The following CHN2 variants were observed in gnomAD, a reference collection of about 807,000 sequenced individuals.
CHN2 encodes the protein chimerin 2.
In CHN2, 35 loss-of-function variants were observed where a neutral mutation model predicts 56.3. The observed-to-expected ratio is 0.62, with a 90% confidence interval of 0.47 to 0.82. The LOEUF (loss-of-function observed/expected upper bound fraction) is 0.82. Ranked by LOEUF, CHN2 falls within the 40% of genes least tolerant of loss-of-function variation. The pLI is 0.00. For missense variants in CHN2, 491 were observed against 580.5 expected (o/e 0.85, Z 1.58); for synonymous variants, 210 against 212.8 (o/e 0.99, Z 0.12).
intron 6 of CHN2, among the ~76,000 whole-genome samples, chr7:29,439,070 C>T (rs1485865410): frequency 6.6e-6 from 1 of 152,156 alleles, no homozygotes; most frequent in African/African-American, 2.4e-5. Context: ...CCTACAAAAC[C>T]TACTGTTTCT....
chr7:29,395,346 G>C (rs78008068), intron 4 of CHN2, among the ~76,000 whole-genome samples: 105 of 152,196 alleles, frequency 6.9e-4, no homozygotes, highest in Non-Finnish European at 1.1e-3. Flanking sequence ...AACATGGGAA[G>C]ACCTCATCTC....
At chr7:29,183,647 G>A (rs1302056512) in intron 2 of CHN2, among the ~76,000 whole-genome samples, 2 of 152,154 alleles carry the variant, frequency 1.3e-5, no homozygotes, top group African/African-American at 4.8e-5. Context: ...AAAGTACTAG[G>A]ATTACAGGTG....
At chr7:29,350,861 G>A (rs368425225) in intron 1 of CHN2, among the ~76,000 whole-genome samples, 1 of 152,136 alleles carries the variant, frequency 6.6e-6, no homozygotes, top group African/African-American at 2.4e-5. Context: ...TGTAATCCCA[G>A]CACTTTGGGA....
In CHN2 at chr7:29,344,044, G is replaced by A. The variant is rs185739313; in HGVS notation, c.50-10581G>A. Among the ~76,000 whole-genome samples the A allele has an allele frequency of 1.1e-4, 17 of 152,220 alleles. No homozygotes were observed. The East Asian group carries it at 2.9e-3, about 26-fold the overall frequency. On this transcript the variant is annotated intron_variant, in intron 1 of 12. Coordinates refer to ENST00000222792, the MANE Select transcript of CHN2 (RefSeq NM_004067.4). ...AGCCAAAAACCATTCATCTTCCTCT[G>A]CCCAAGCCAGAAGTCATGTTCCCTC...
chr7:29,381,522 G>A (rs1338186597), intron 3 of CHN2, among the ~76,000 whole-genome samples: 1 of 152,102 alleles, frequency 6.6e-6, no homozygotes, highest in East Asian at 1.9e-4. Context: ...TGCCACTCAT[G>A]GCTGGGCTTT....
intron 1 of CHN2, among the ~76,000 whole-genome samples, chr7:29,352,114 G>C (rs1168822338): frequency 6.6e-6 from 1 of 152,114 alleles, no homozygotes; most frequent in African/African-American, 2.4e-5. Context: ...GAAGACCTTA[G>C]ATCCAAGTGG....
intron 1 of CHN2, among the ~76,000 whole-genome samples, chr7:29,286,513 G>A (rs1182662466): frequency 6.6e-6 from 1 of 152,180 alleles, no homozygotes; most frequent in African/African-American, 2.4e-5. Context: ...GGGCAGGGGC[G>A]AAGCCAGCGT....
intron 1 of CHN2, among the ~76,000 whole-genome samples, chr7:29,339,654 A>T (rs1221197803): frequency 6.6e-6 from 1 of 152,132 alleles, no homozygotes; most frequent in African/African-American, 2.4e-5. Context: ...GGAGTTCAAG[A>T]CCAACCTGGC....
chr7:29,394,567 C>G (rs10951220), intron 4 of CHN2, among the ~76,000 whole-genome samples: 20,928 of 152,168 alleles, frequency 0.14, 1,751 homozygotes, highest in Middle Eastern at 0.2. Context: ...ATTGCCACAG[C>G]TGCATTTCAG....
intron 1 of CHN2, among the ~76,000 whole-genome samples, chr7:29,208,609 T>C (rs1047424319): frequency 6.6e-6 from 1 of 152,186 alleles, no homozygotes; most frequent in Non-Finnish European, 1.5e-5. Flanking sequence ...CTTTCTAATG[T>C]CACGGGCTAA....
At chr7:29,262,622 G>A (rs1789651722) in intron 1 of CHN2, among the ~76,000 whole-genome samples, 1 of 152,038 alleles carries the variant, frequency 6.6e-6, no homozygotes, top group Non-Finnish European at 1.5e-5. Flanking sequence ...GTCAATTAAA[G>A]TGAACCTTCC....
chr7:29,229,158 G>C (rs1175305636), intron 1 of CHN2, among the ~76,000 whole-genome samples: 2 of 152,114 alleles, frequency 1.3e-5, no homozygotes, highest in Non-Finnish European at 2.9e-5. Context: ...AGTGGGGTGG[G>C]GTGAGGAACA....
intron 6 of CHN2, among the ~76,000 whole-genome samples, chr7:29,412,020 G>A (rs147687892): frequency 2.0e-5 from 3 of 152,232 alleles, no homozygotes; most frequent in Non-Finnish European, 4.4e-5. Flanking sequence ...CACCTTACTT[G>A]TCACCATTAC....
intron 10 of CHN2, 106 bp downstream of exon 10, chr7:29,504,927 G>A (rs1438123192): frequency 2.7e-6 from 2 of 738,420 alleles, no homozygotes; most frequent in Non-Finnish European, 4.6e-6. Context: ...ACTAAGAGTT[G>A]TTCTTCAAGA....
intron 2 of CHN2, among the ~76,000 whole-genome samples, chr7:29,355,441 A>G (rs930327717): frequency 1.3e-5 from 2 of 152,200 alleles, no homozygotes; most frequent in Non-Finnish European, 2.9e-5. Flanking sequence ...TCTTAGAAAC[A>G]GATCCTGCCT....
intron 1 of CHN2, among the ~76,000 whole-genome samples, chr7:29,309,945 G>A (rs1794460402): frequency 6.6e-6 from 1 of 152,194 alleles, no homozygotes; most frequent in Non-Finnish European, 1.5e-5. Context: ...TACCCTGGAA[G>A]CACTGGCCAG....
chr7:29,479,606 G>A (rs1786908281), intron 6 of CHN2: 1 of 943,930 alleles, frequency 1.1e-6, no homozygotes, highest in Non-Finnish European at 1.3e-6. Context: ...GGGTTTAAAG[G>A]TTTAATCTGT....
At chr7:29,240,206 C>T (rs776386205) in intron 1 of CHN2, among the ~76,000 whole-genome samples, 39 of 152,156 alleles carry the variant, frequency 2.6e-4, no homozygotes, top group Non-Finnish European at 4.6e-4. Flanking sequence ...TTGGGGTACA[C>T]TGTCCCCTGA....
intron 1 of CHN2, among the ~76,000 whole-genome samples, chr7:29,284,224 T>C (rs1584958237): frequency 6.6e-6 from 1 of 152,150 alleles, no homozygotes; most frequent in African/African-American, 2.4e-5. Flanking sequence ...GCCTCCCAAG[T>C]AGCTGGGATT....
Sources: allele counts gnomAD v4.1 joint callset (sites outside exome capture counted in the v4.1 genomes callset), GRCh38; gene constraint gnomAD v4.1.1; transcripts MANE v1.5; gene names NCBI Gene and HGNC (gene_info 2026-07-23, HGNC 2026-07-21).